The following PBRM1 variants were observed in gnomAD, a reference collection of about 807,000 sequenced individuals.
The protein encoded by PBRM1 is polybromo 1.
A neutral mutation model predicts 194.5 loss-of-function variants in PBRM1; 27 were observed. The ratio of observed to expected loss-of-function variants is 0.14; its 90% CI spans 0.10 to 0.19. The LOEUF (loss-of-function observed/expected upper bound fraction) is 0.19, where lower values mean the gene tolerates loss of function less well. Among genes scored for constraint, PBRM1 ranks in the 10% least tolerant of loss-of-function variants. PBRM1 has a pLI of 1.00. For missense variants in PBRM1, 1,466 were observed against 2,077.2 expected, an observed-to-expected ratio of 0.71 and a Z score of 5.72; for synonymous variants, 655 against 693.2, an observed-to-expected ratio of 0.94 and a Z score of 0.87.
chr3:52,586,748 CAAA>C (rs35352950), intron 19 of PBRM1, 60 bp from the exon 22 acceptor site: 2,284 of 180,866 alleles, frequency 0.013, no homozygotes, highest in South Asian at 0.021. Context: ...GAAAATCAAT[CAAA>C]AAAAAAAAAA....
intron 13 of PBRM1, among the ~76,000 whole-genome samples, chr3:52,623,145 C>T (rs1370911642): frequency 1.3e-5 from 2 of 152,116 alleles, no homozygotes; most frequent in Non-Finnish European, 2.9e-5. Context: ...TGGCACAGCC[C>T]GGCACAGTGA....
chr3:52,679,889 C>CA (rs1174398561), upstream of PBRM1, among the ~76,000 whole-genome samples: 2 of 150,788 alleles, frequency 1.3e-5, no homozygotes, highest in Admixed American at 1.3e-4. Context: ...CCCTGGACTT[C>CA]CTTGTTTTAG....
intron 4 of PBRM1, among the ~76,000 whole-genome samples, chr3:52,660,500 T>C (rs1383798624): frequency 4.0e-5 from 6 of 150,118 alleles, no homozygotes; most frequent in Non-Finnish European, 8.9e-5. Context: ...ATTTTGTGTA[T>C]ATCTATCTAT....
exon 30 of PBRM1, chr3:52,548,186 G>A (rs1393586826): frequency 3.1e-6 from 5 of 1,609,664 alleles, no homozygotes; most frequent in Non-Finnish European, 4.2e-6. Context: ...GCCAGTGAGA[G>A]GGTAGGCGGC....
At chr3:52,675,150 GAAAC>G (rs1561085175) in intron 2 of PBRM1, among the ~76,000 whole-genome samples, 1 of 152,096 alleles carries the variant, frequency 6.6e-6, no homozygotes, top group Non-Finnish European at 1.5e-5. Context: ...TAATTTCCTA[GAAAC>G]ACACAACCTA....
intron 10 of PBRM1, among the ~76,000 whole-genome samples, chr3:52,638,918 T>G (rs1382852429): frequency 1.3e-5 from 2 of 149,718 alleles, no homozygotes; most frequent in African/African-American, 4.9e-5. Flanking sequence ...TTTTAGGTGC[T>G]TATTTTCTAG....
chr3:52,678,219 A>C (rs1376827932), intron 2 of PBRM1, among the ~76,000 whole-genome samples: 1 of 152,092 alleles, frequency 6.6e-6, no homozygotes, highest in Non-Finnish European at 1.5e-5. Flanking sequence ...CTCTTGCCTT[A>C]GTCTCCCATG....
At chr3:52,576,625 C>T (rs2089678760) in exon 22 of PBRM1, 3 of 1,609,342 alleles carry the variant, frequency 1.9e-6, no homozygotes, top group Non-Finnish European at 2.5e-6. Context: ...GGCTCATGCT[C>T]TGTTTCTTCT....
At chr3:52,577,347 C>G (rs1395874531) in intron 21 of PBRM1, among the ~76,000 whole-genome samples, 6 of 144,086 alleles carry the variant, frequency 4.2e-5, no homozygotes, top group Non-Finnish European at 1.5e-5. Context: ...GGGAAGATGG[C>G]TTGAGCCCAG....
At position 52,588,377 on chromosome 3, in the gene PBRM1, ATTTC is replaced by A. The variant is rs554603983; in HGVS notation, c.2965+689_2965+692del. Among the ~76,000 whole-genome samples the A allele has an allele frequency of 2.4e-3, 358 of 152,196 alleles. 4 individuals are homozygous for A. The highest frequency in any genetic ancestry group is 7.8e-3 in the African/African-American group (324 of 41,526). On this transcript the variant is annotated intron_variant, in intron 18 of 29. Coordinates refer to ENST00000296302, the Ensembl canonical transcript of PBRM1. ...AGCCAAGGCATGTCATTCTATAATA[ATTTC>A]TTTTTTGATCATAATCTTCCTTACT...
chr3:52,550,897 G>A (rs1243371773), intron 27 of PBRM1, 80 bp from the exon 30 acceptor site: 3 of 922,628 alleles, frequency 3.3e-6, no homozygotes, highest in Non-Finnish European at 1.7e-6. Flanking sequence ...AAGAAATGAT[G>A]CCATTCATAA....
At chr3:52,553,193 GGACCAAAT>G (rs1008584158) in intron 27 of PBRM1, among the ~76,000 whole-genome samples, 5 of 152,164 alleles carry the variant, frequency 3.3e-5, no homozygotes, top group Non-Finnish European at 7.3e-5. Flanking sequence ...TGTAGGTAAT[GGACCAAAT>G]GCTTTCCGAG....
upstream of PBRM1, among the ~76,000 whole-genome samples, chr3:52,681,462 C>G (rs187154407): frequency 4.6e-5 from 7 of 152,184 alleles, no homozygotes; most frequent in Middle Eastern, 3.4e-3. Flanking sequence ...AAAACTTAGC[C>G]AAGTTTTGCT....
chr3:52,572,129 G>GGAA (rs768267641), intron 22 of PBRM1, among the ~76,000 whole-genome samples: 1 of 109,400 alleles, frequency 9.1e-6, no homozygotes, highest in African/African-American at 3.0e-5. Flanking sequence ...TAATATTTTT[G>GGAA]AAAAAAAAAA....
rs1025981453 is a variant in PBRM1, at chr3:52,552,723, TCC to T, written c.4610-1908_4610-1907del. 2.9e-4 allele frequency among the ~76,000 whole-genome samples: 44 copies of T among 152,300 alleles called. No individual in the cohort carries two copies. In the South Asian group the frequency reaches 3.3e-3, roughly 11 times the overall value. ...AGAGGGTACTGGCATTAGACATGGATCCCACTAAGTGCACCTAGAAGGTGTAA... is the reference window on the plus strand; with the variant it reads ...AGAGGGTACTGGCATTAGACATGGATCACTAAGTGCACCTAGAAGGTGTAA... On this transcript the variant is annotated intron_variant, in intron 27 of 29. Transcript: ENST00000296302.
rs141946721 is a variant in PBRM1 at position 52,564,366 on chromosome 3, C to T, written c.3692-133G>A. On this transcript the variant is annotated intron_variant, in intron 22 of 29. Coordinates refer to ENST00000296302, the Ensembl canonical transcript of PBRM1. ...TTTTAAAGATATGAAAGGGGCTAGG[C>T]ATGGTGGCTCAAGCCTGTAATCTCA... The T allele has an allele frequency of 5.8e-4, 400 of 689,212 alleles. 3 individuals carry two copies. In the East Asian group the frequency reaches 0.01, roughly 18 times the overall value. The allele number at this position is 689,212 out of a possible 1,614,324, so 42.7% of individuals were successfully genotyped here.
chr3:52,655,697 C>T (rs2096595280), intron 5 of PBRM1, among the ~76,000 whole-genome samples: 1 of 152,156 alleles, frequency 6.6e-6, no homozygotes, highest in Non-Finnish European at 1.5e-5. Context: ...TTAATAATTA[C>T]ATCTTTCTAG....
chr3:52,635,202 C>T (rs1356460623), intron 10 of PBRM1, among the ~76,000 whole-genome samples: 2 of 151,958 alleles, frequency 1.3e-5, no homozygotes, highest in Non-Finnish European at 2.9e-5. Flanking sequence ...GCTGGGATTA[C>T]AGGTGTGAGC....
chr3:52,582,299 A>T (rs924856399), intron 20 of PBRM1, among the ~76,000 whole-genome samples: 1 of 151,998 alleles, frequency 6.6e-6, no homozygotes, highest in Non-Finnish European at 1.5e-5. Context: ...ATTGAAATAA[A>T]GATATGAGAC....
Sources: gnomAD v4.1 joint callset for allele counts (sites outside exome capture counted in the v4.1 genomes callset) on GRCh38, gnomAD v4.1.1 for gene constraint, MANE v1.5 for transcripts, NCBI Gene and HGNC (gene_info 2026-07-23, HGNC 2026-07-21) for gene names.